AGBL1: variants seen among roughly 807,000 people sequenced by gnomAD.
The protein encoded by AGBL1 is cytosolic carboxypeptidase 4.
AGBL1 carries 130 observed loss-of-function variants against 118.9 expected under a neutral mutation model. That is an observed-to-expected ratio of 1.09 (90% CI 0.95 to 1.26). The LOEUF (loss-of-function observed/expected upper bound fraction) is 1.26. Ranked by LOEUF, AGBL1 falls within the 50% of genes most tolerant of loss-of-function variation. AGBL1 has a pLI of 0.00. For synonymous variants in AGBL1, 555 were observed against 478.9 expected, an observed-to-expected ratio of 1.16 and a Z score of -2.08; for missense variants, 1,584 against 1,298.1, an observed-to-expected ratio of 1.22 and a Z score of -3.38.
At chr15:86,722,882 A>C (rs891360999) in intron 22 of AGBL1, among the ~76,000 whole-genome samples, 2 of 152,218 alleles carry the variant, frequency 1.3e-5, no homozygotes, top group Non-Finnish European at 2.9e-5. Flanking sequence ...ACATTTATGC[A>C]GCCAAAAGAC....
At chr15:86,628,972 G>A (rs896564146) in intron 21 of AGBL1, among the ~76,000 whole-genome samples, 5 of 152,088 alleles carry the variant, frequency 3.3e-5, no homozygotes, top group South Asian at 2.1e-4. Context: ...ACCTTACATC[G>A]TTAACTTTTT....
At chr15:86,280,779 G>A (rs2079339474) in intron 16 of AGBL1, among the ~76,000 whole-genome samples, 1 of 152,132 alleles carries the variant, frequency 6.6e-6, no homozygotes, top group East Asian at 1.9e-4. Context: ...GCATAGAGAA[G>A]GCATATCTTG....
At chr15:86,889,828 C>G (rs897880467) in intron 22 of AGBL1, among the ~76,000 whole-genome samples, 43 of 152,164 alleles carry the variant, frequency 2.8e-4, no homozygotes, top group African/African-American at 1.0e-3. Flanking sequence ...CATGACTTTG[C>G]TATTGCGAAT....
chr15:86,790,371 T>TGCAC (rs2078474370), intron 22 of AGBL1, among the ~76,000 whole-genome samples: 5 of 150,164 alleles, frequency 3.3e-5, no homozygotes, highest in Non-Finnish European at 7.4e-5. Flanking sequence ...CACACACGCA[T>TGCAC]GCACGCACGC....
chr15:86,473,372 A>T (rs1443940963), intron 18 of AGBL1, among the ~76,000 whole-genome samples: 4 of 152,142 alleles, frequency 2.6e-5, no homozygotes. Context: ...TTCTCTATTG[A>T]TCTTTTTTTA....
chr15:86,828,328 C>G (rs1451884049), intron 22 of AGBL1, among the ~76,000 whole-genome samples: 1 of 152,012 alleles, frequency 6.6e-6, no homozygotes, highest in African/African-American at 2.4e-5. Flanking sequence ...ATGTCACAAT[C>G]TCAGAAATCT....
intron 2 of AGBL1, among the ~76,000 whole-genome samples, chr15:86,143,052 T>C (rs942308912): frequency 3.3e-5 from 5 of 152,218 alleles, no homozygotes; most frequent in African/African-American, 9.6e-5. Flanking sequence ...TCGTTGCTTT[T>C]GAGTTTGTCC....
intron 18 of AGBL1, among the ~76,000 whole-genome samples, chr15:86,441,261 A>G (rs1282328924): frequency 6.6e-6 from 1 of 152,150 alleles, no homozygotes; most frequent in East Asian, 1.9e-4. Context: ...TTGTTGAAGA[A>G]CCCTTTAAAC....
intron 22 of AGBL1, among the ~76,000 whole-genome samples, chr15:86,847,933 A>C (rs569519812): frequency 3.9e-5 from 6 of 152,252 alleles, no homozygotes; most frequent in African/African-American, 1.4e-4. Flanking sequence ...GCTTGATCAC[A>C]CTAGGTCCTC....
At chr15:86,333,387 G>C (rs1004662783) in intron 17 of AGBL1, among the ~76,000 whole-genome samples, 28 of 152,228 alleles carry the variant, frequency 1.8e-4, no homozygotes, top group Non-Finnish European at 3.5e-4. Flanking sequence ...AAAAGATCCT[G>C]AGATGATTAT....
At chr15:86,461,225 T>A (rs750277197) in intron 18 of AGBL1, among the ~76,000 whole-genome samples, 1 of 152,070 alleles carries the variant, frequency 6.6e-6, no homozygotes. Flanking sequence ...GTACCAACAC[T>A]CTAGAAAGTC....
chr15:86,346,739 G>A (rs576915404), intron 17 of AGBL1, among the ~76,000 whole-genome samples: 1 of 152,312 alleles, frequency 6.6e-6, no homozygotes, highest in African/African-American at 2.4e-5. Flanking sequence ...ACATTGAAGA[G>A]GAGGAATCAG....
intron 22 of AGBL1, among the ~76,000 whole-genome samples, chr15:86,693,510 T>C (rs938924249): frequency 2.6e-5 from 4 of 152,268 alleles, no homozygotes; most frequent in Middle Eastern, 3.4e-3. Context: ...TAGTCCTTTG[T>C]TGGATGTATA....
At chr15:86,494,942 A>AG (rs2082828408) in intron 18 of AGBL1, among the ~76,000 whole-genome samples, 3 of 120,762 alleles carry the variant, frequency 2.5e-5, no homozygotes, top group East Asian at 3.6e-4. Flanking sequence ...TATTTGCTTC[A>AG]GGGTTTTTTT....
rs970804227 is a variant in AGBL1 at position 86,261,776 on chromosome 15, C to T, written c.970-1002C>T. On this transcript the variant is annotated intron_variant, in intron 9 of 22. Transcript: ENST00000614907. ...AGTCACCATCATCATTAAAAGGTTTCGAAATGGTGATCTATCAAGAATAAA... is the reference window on the plus strand; with the variant it reads ...AGTCACCATCATCATTAAAAGGTTTTGAAATGGTGATCTATCAAGAATAAA... Among the ~76,000 whole-genome samples the T allele has an allele frequency of 2.6e-5, 4 of 151,898 alleles. 1 individual carries two copies. Among genetic ancestry groups the T allele is most frequent in the Admixed American group, 1.3e-4 (2 of 15,254 alleles).
chr15:86,874,141 A>G (rs2079769909), intron 22 of AGBL1, among the ~76,000 whole-genome samples: 1 of 152,194 alleles, frequency 6.6e-6, no homozygotes, highest in Non-Finnish European at 1.5e-5. Flanking sequence ...AACTGCCTGC[A>G]TTATTTCCTA....
At chr15:86,482,467 A>C (rs2082664458) in intron 18 of AGBL1, among the ~76,000 whole-genome samples, 1 of 152,182 alleles carries the variant, frequency 6.6e-6, no homozygotes, top group Non-Finnish European at 1.5e-5. Flanking sequence ...GGATTAAAAA[A>C]ATAATGATTT....
At chr15:86,609,360 C>T (rs1439754794) in intron 21 of AGBL1, among the ~76,000 whole-genome samples, 1 of 152,164 alleles carries the variant, frequency 6.6e-6, no homozygotes, top group African/African-American at 2.4e-5. Flanking sequence ...AGGTCACCAG[C>T]CATCAAATGA....
intron 6 of AGBL1, among the ~76,000 whole-genome samples, chr15:86,238,008 C>G (rs2078581005): frequency 6.6e-6 from 1 of 152,198 alleles, no homozygotes; most frequent in Non-Finnish European, 1.5e-5. Flanking sequence ...AATTTCCTAT[C>G]CCCAGATCTC....
Sources: gnomAD v4.1 joint callset for allele counts (sites outside exome capture counted in the v4.1 genomes callset) on GRCh38, gnomAD v4.1.1 for gene constraint, MANE v1.5 for transcripts, NCBI Gene and HGNC (gene_info 2026-07-23, HGNC 2026-07-21) for gene names.